Variants in CACNA1E observed in about 807,000 individuals in gnomAD.
The protein encoded by CACNA1E is calcium voltage-gated channel subunit alpha1 E.
In CACNA1E, 40 loss-of-function variants were observed where a neutral mutation model predicts 259.2. The ratio of observed to expected loss-of-function variants is 0.15; its 90% confidence interval spans 0.12 to 0.20. The LOEUF (loss-of-function observed/expected upper bound fraction) is 0.20. Ranked by LOEUF, CACNA1E falls within the 10% of genes least tolerant of loss-of-function variation. The probability of loss-of-function intolerance (pLI) is 1.00; values close to 1 mark genes in which losing one functional copy is unlikely to be tolerated. For synonymous variants in CACNA1E, 1,104 were observed against 1,138.5 expected (o/e 0.97, Z 0.61); for missense variants, 1,874 against 3,040.1 (o/e 0.62, Z 9.02).
chr1:181,613,878 C>T (rs1572381382), intron 6 of CACNA1E, among the ~76,000 whole-genome samples: 1 of 152,184 alleles, frequency 6.6e-6, no homozygotes, highest in South Asian at 2.1e-4. Flanking sequence ...CCTGGGAACT[C>T]CTCTGCTGCC....
At chr1:181,347,926 G>A (rs185169165) in intron 1 of CACNA1E, among the ~76,000 whole-genome samples, 13 of 152,344 alleles carry the variant, frequency 8.5e-5, no homozygotes, top group Non-Finnish European at 1.0e-4. Flanking sequence ...TTGCATAGGC[G>A]TTAATTATTG....
At chr1:181,535,233 G>A (rs1427479845) in intron 3 of CACNA1E, among the ~76,000 whole-genome samples, 1 of 152,076 alleles carries the variant, frequency 6.6e-6, no homozygotes, top group Non-Finnish European at 1.5e-5. Flanking sequence ...ATCATTTTGG[G>A]CACTTAGGTT....
chr1:181,654,176 G>A (rs1222568169), intron 7 of CACNA1E, among the ~76,000 whole-genome samples: 1 of 150,238 alleles, frequency 6.7e-6, no homozygotes, highest in Non-Finnish European at 1.5e-5. Context: ...ACATTTAGAG[G>A]TTAAGGGCTC....
intron 38 of CACNA1E, 101 bp from the exon 39 acceptor site, chr1:181,781,323 TCTC>T (rs1011798749): frequency 2.1e-5 from 14 of 679,568 alleles, no homozygotes; most frequent in Non-Finnish European, 3.5e-5. Flanking sequence ...CCTATTCTCC[TCTC>T]CTATCTGTCT....
chr1:181,755,839 A>C (rs1658041594), intron 28 of CACNA1E, 117 bp from the exon 29 acceptor site: 1 of 1,079,598 alleles, frequency 9.3e-7, no homozygotes. Flanking sequence ...CTTTTGCCTT[A>C]CACATGTATG....
chr1:181,349,123 G>A (rs943483899), intron 1 of CACNA1E, among the ~76,000 whole-genome samples: 22 of 152,144 alleles, frequency 1.4e-4, no homozygotes, highest in African/African-American at 5.1e-4. Context: ...GGCGGGCTTG[G>A]GTGGGCTGCT....
chr1:181,790,607 C>A, intron 44 of CACNA1E, 51 bp downstream of exon 44: 1 of 1,097,448 alleles, frequency 9.1e-7, no homozygotes, highest in Non-Finnish European at 1.4e-6. Context: ...GTTTCCTGAT[C>A]CCTCTCACTA....
intron 2 of CACNA1E, among the ~76,000 whole-genome samples, chr1:181,459,574 C>T (rs189629504): frequency 2.0e-5 from 3 of 152,334 alleles, no homozygotes; most frequent in East Asian, 1.9e-4. Flanking sequence ...TGGGGAAGGA[C>T]GTGGAAGATA....
At chr1:181,405,228 G>C (rs183503440) in intron 1 of CACNA1E, among the ~76,000 whole-genome samples, 1 of 152,172 alleles carries the variant, frequency 6.6e-6, no homozygotes, top group Non-Finnish European at 1.5e-5. Flanking sequence ...GGGATATTAC[G>C]AGGCTCTAAT....
At chr1:181,792,121 T>C (rs1558398240) in intron 44 of CACNA1E, among the ~76,000 whole-genome samples, 1 of 152,146 alleles carries the variant, frequency 6.6e-6, no homozygotes, top group African/African-American at 2.4e-5. Context: ...TAATAAACTA[T>C]AGATAGTTTG....
chr1:181,332,414 A>G (rs1221861505), intron 1 of CACNA1E, among the ~76,000 whole-genome samples: 2 of 152,264 alleles, frequency 1.3e-5, no homozygotes, highest in African/African-American at 2.4e-5. Flanking sequence ...AACATAGTTC[A>G]ATTAAAAGAT....
chr1:181,732,414 C>T lies in CACNA1E; in HGVS notation c.2328C>T (p.Ser776=), dbSNP rs182071786. Residue 776 remains serine, a synonymous_variant, in exon 20 of 48, where the codon TCC becomes TCT. Transcript: ENST00000367573. The surrounding 1 kb of genome is among the most constrained non-coding windows in gnomAD (Gnocchi z 5.5). Reference sequence around the variant, plus strand: ...AGCGGAGGCGCCGGCACCACATGTCCGTGTGGGAGCAGCGTACCAGCCAGC... The same window carrying T: ...AGCGGAGGCGCCGGCACCACATGTCTGTGTGGGAGCAGCGTACCAGCCAGC... ...LRERRRRHHM[S]VWEQRTSQLR... The T allele has an allele frequency of 2.5e-4, 383 of 1,542,570 alleles. No homozygotes were observed. In the African/African-American group the frequency reaches 4.5e-3, roughly 18 times the overall value.
chr1:181,746,326 T>G (rs1657082908), intron 25 of CACNA1E, among the ~76,000 whole-genome samples: 1 of 152,214 alleles, frequency 6.6e-6, no homozygotes, highest in Admixed American at 6.5e-5. Flanking sequence ...CACTCTTTAT[T>G]TTATTTATCA....
intron 1 of CACNA1E, among the ~76,000 whole-genome samples, chr1:181,492,715 G>A (rs1339624035): frequency 6.6e-6 from 1 of 152,142 alleles, no homozygotes; most frequent in Non-Finnish European, 1.5e-5. Context: ...CTTTCAATAA[G>A]CATCTCAGCA....
intron 6 of CACNA1E, among the ~76,000 whole-genome samples, chr1:181,630,987 G>T (rs798065): frequency 0.78 from 118,109 of 152,066 alleles, 46,672 homozygotes; most frequent in East Asian, 0.94. Flanking sequence ...AGCACCTTCT[G>T]AAATTGCTCT....
chr1:181,509,798 G>T (rs976185222), intron 1 of CACNA1E, among the ~76,000 whole-genome samples: 1 of 152,172 alleles, frequency 6.6e-6, no homozygotes, highest in South Asian at 2.1e-4. Context: ...TTCCAGACTC[G>T]TGATCAGTCT....
intron 1 of CACNA1E, among the ~76,000 whole-genome samples, chr1:181,333,456 C>G (rs1651441697): frequency 6.6e-6 from 1 of 152,138 alleles, no homozygotes; most frequent in South Asian, 2.1e-4. Flanking sequence ...TCAGTCCTGC[C>G]AATGTAGCTC....
Position 181,756,943 on chromosome 1 carries a change from A to G in CACNA1E, c.4146A>G (p.Val1382=), listed in dbSNP as rs1658139987. 1.2e-6 allele frequency: 2 copies of G among 1,611,474 alleles called. No individual in the cohort carries two copies. The highest frequency in any genetic ancestry group is 1.3e-5 in the African/African-American group (1 of 75,020). ...EGWPQVLQHS[V]DVTEEDRGPS... is the part of the protein sequence containing the mutation. ...CCCATAGAGTTCTGCAGCACTCTGT[A>G]GATGTGACAGAGGAAGACCGAGGCC... The change falls in exon 30 of 48, where the codon GTA becomes GTG. Residue 1382 remains valine (V), a synonymous_variant. Coordinates refer to ENST00000367573, the MANE Select transcript of CACNA1E (RefSeq NM_001205293.3).
At chr1:181,718,619 C>T (rs1165641928) in intron 12 of CACNA1E, among the ~76,000 whole-genome samples, 29 of 87,746 alleles carry the variant, frequency 3.3e-4, no homozygotes, top group Admixed American at 3.1e-3. Flanking sequence ...CAAACACACA[C>T]ACACACACAC....
Sources: gnomAD v4.1 joint callset for allele counts (sites outside exome capture counted in the v4.1 genomes callset) on GRCh38, gnomAD v4.1.1 for gene constraint, Gnocchi (gnomAD v3.1) non-coding constraint, MANE v1.5 for transcripts, NCBI Gene and HGNC (gene_info 2026-07-23, HGNC 2026-07-21) for gene names.